The following GLRA2 variants were observed in gnomAD, a reference collection of about 807,000 sequenced individuals.
GLRA2 encodes the protein glycine receptor alpha 2.
GLRA2 carries 11 observed loss-of-function variants against 31.6 expected under a neutral mutation model. The observed-to-expected ratio is 0.35, with a 90% confidence interval of 0.22 to 0.58. The LOEUF is 0.58. GLRA2 is among the 20% of genes least tolerant of loss of function. The pLI is 0.84. For missense variants in GLRA2, 212 were observed against 351.8 expected, an observed-to-expected ratio of 0.60 and a Z score of 3.18; for synonymous variants, 132 against 134.0, an observed-to-expected ratio of 0.99 and a Z score of 0.10.
intron 5 of GLRA2, among the ~76,000 whole-genome samples, chrX:14,605,181 C>T (rs1194245499): frequency 9.0e-6 from 1 of 111,704 alleles, no homozygotes; most frequent in Non-Finnish European, 1.9e-5. Flanking sequence ...ATAAGTGCCA[C>T]TGACCTACAT....
At chrX:14,519,298 T>C in the GLRA2 span, among the ~76,000 whole-genome samples, 1 of 111,361 alleles carries the variant, frequency 9.0e-6, no homozygotes, top group African/African-American at 3.3e-5. Context: ...AAATGAGTAA[T>C]GGGAACAGAT....
chrX:14,623,393 A>G (rs2090546450), intron 7 of GLRA2, among the ~76,000 whole-genome samples: 1 of 111,310 alleles, frequency 9.0e-6, no homozygotes, highest in South Asian at 3.8e-4. Flanking sequence ...TATGTTGAAT[A>G]GGAGTGGTGA....
intron 8 of GLRA2, among the ~76,000 whole-genome samples, chrX:14,713,157 A>G (rs1295239820): frequency 1.8e-5 from 2 of 112,040 alleles, no homozygotes; most frequent in African/African-American, 3.2e-5. Context: ...CCAAGTTAGT[A>G]AACAAGCAAA....
chrX:14,715,198 G>A (rs1248372779), intron 8 of GLRA2, among the ~76,000 whole-genome samples: 2 of 111,810 alleles, frequency 1.8e-5, no homozygotes, highest in Non-Finnish European at 3.8e-5. Context: ...GGCTGCTCAC[G>A]AGCTTAATAC....
chrX:14,678,114 C>A (rs1273266069), intron 7 of GLRA2, among the ~76,000 whole-genome samples: 1 of 111,804 alleles, frequency 8.9e-6, no homozygotes, highest in African/African-American at 3.3e-5. Context: ...TTAGGAACTA[C>A]TGGTGTAGAC....
chrX:14,454,180 CCA>C, the GLRA2 span, among the ~76,000 whole-genome samples: 1 of 68,817 alleles, frequency 1.5e-5, no homozygotes, highest in Admixed American at 1.9e-4. Flanking sequence ...ACACCCACAC[CCA>C]CACACCCACA....
chrX:14,717,557 T>A (rs1450198907), intron 8 of GLRA2, among the ~76,000 whole-genome samples: 6 of 95,041 alleles, frequency 6.3e-5, no homozygotes, highest in African/African-American at 3.0e-4. Flanking sequence ...AATATTTATT[T>A]GTAGAGATCA....
chrX:14,548,776 A>C (rs1408247832), intron 2 of GLRA2, among the ~76,000 whole-genome samples: 1 of 111,833 alleles, frequency 8.9e-6, no homozygotes, highest in African/African-American at 3.2e-5. Context: ...TGTTGATAAT[A>C]TTGGATATAC....
intron 7 of GLRA2, among the ~76,000 whole-genome samples, chrX:14,665,402 T>C (rs2091028821): frequency 8.9e-6 from 1 of 112,144 alleles, no homozygotes; most frequent in Non-Finnish European, 1.9e-5. Flanking sequence ...ATCTGAAAAA[T>C]GATAAATTCC....
In GLRA2 at chrX:14,721,505, T is replaced by C. The variant is rs906332544; in HGVS notation, c.1081-8702T>C. On this transcript the variant is annotated intron_variant, in intron 8 of 8. Coordinates refer to ENST00000218075, the MANE Select transcript of GLRA2 (RefSeq NM_002063.4). ...AGTATGCTGTGTGGCCCAACACCCT[T>C]AATATTCGTAGAAGCTTATTGTTTA... is the stretch of plus-strand genomic sequence containing the variant. 2.7e-5 allele frequency among the ~76,000 whole-genome samples: 3 copies of C among 111,491 alleles called. No individual in the cohort carries two copies. The Admixed American group carries it at 2.9e-4, about 11-fold the overall frequency.
chrX:14,457,914 T>C, the GLRA2 span, among the ~76,000 whole-genome samples: 87 of 110,723 alleles, frequency 7.9e-4, 1 homozygote, highest in African/African-American at 2.9e-3. Flanking sequence ...AGGGTACATG[T>C]GCACAGTGTA....
intron 8 of GLRA2, among the ~76,000 whole-genome samples, chrX:14,707,936 C>T (rs773279005): frequency 1.4e-4 from 16 of 111,061 alleles, no homozygotes; most frequent in South Asian, 7.6e-4. Flanking sequence ...AACTAATTAA[C>T]ATGTCCATCA....
intron 7 of GLRA2, among the ~76,000 whole-genome samples, chrX:14,621,978 A>G (rs1340636064): frequency 8.9e-6 from 1 of 112,151 alleles, no homozygotes; most frequent in Non-Finnish European, 1.9e-5. Context: ...AGTCCCAACA[A>G]CAGTGTAAAA....
chrX:14,557,202 G>T (rs6526716), intron 2 of GLRA2, among the ~76,000 whole-genome samples: 33,628 of 89,890 alleles, frequency 0.37, 7,003 homozygotes, highest in African/African-American at 0.73. Flanking sequence ...TGTAAGCTCC[G>T]CCTCCTGGGT....
At chrX:14,728,845 C>T (rs902010263) in intron 8 of GLRA2, among the ~76,000 whole-genome samples, 3 of 112,324 alleles carry the variant, frequency 2.7e-5, no homozygotes, top group Non-Finnish European at 3.8e-5. Context: ...CCTCTGAGCA[C>T]GTATACTATA....
At chrX:14,582,223 AC>A (rs2090028524) in intron 4 of GLRA2, among the ~76,000 whole-genome samples, 1 of 47,751 alleles carries the variant, frequency 2.1e-5, no homozygotes, top group Non-Finnish European at 4.2e-5. Context: ...CCCCCTCCCC[AC>A]CCCCACAACA....
upstream of GLRA2, among the ~76,000 whole-genome samples, chrX:14,526,235 G>A (rs1444209773): frequency 8.9e-6 from 1 of 112,679 alleles, no homozygotes; most frequent in Non-Finnish European, 1.9e-5. Flanking sequence ...TGGCTACAGG[G>A]GAAGAAATGA....
the GLRA2 span, among the ~76,000 whole-genome samples, chrX:14,501,881 T>C: frequency 9.0e-6 from 1 of 110,979 alleles, no homozygotes; most frequent in East Asian, 2.8e-4. Flanking sequence ...GTAGTTGGGG[T>C]TGGTTTCTCC....
intron 7 of GLRA2, among the ~76,000 whole-genome samples, chrX:14,678,931 C>T (rs1014451637): frequency 9.0e-6 from 1 of 111,295 alleles, no homozygotes; most frequent in African/African-American, 3.3e-5. Flanking sequence ...AAGGTGGCTG[C>T]AGAAGGTATA....
Sources: allele counts gnomAD v4.1 joint callset (sites outside exome capture counted in the v4.1 genomes callset), GRCh38; gene constraint gnomAD v4.1.1; transcripts MANE v1.5; gene names NCBI Gene and HGNC (gene_info 2026-07-23, HGNC 2026-07-21).